The following IMMP2L variants were observed in gnomAD, a reference collection of about 807,000 sequenced individuals.
IMMP2L encodes inner mitochondrial membrane peptidase subunit 2.
In IMMP2L, 18 loss-of-function variants were observed where a neutral mutation model predicts 19.3. The ratio of observed to expected loss-of-function variants is 0.93; its 90% confidence interval spans 0.64 to 1.38. IMMP2L has a LOEUF of 1.38. IMMP2L is among the 40% of genes most tolerant of loss of function. The pLI, the probability that IMMP2L is intolerant of heterozygous loss-of-function variation, is 0.00. For synonymous variants in IMMP2L, 76 were observed against 73.0 expected, an observed-to-expected ratio of 1.04 and a Z score of -0.21; for missense variants, 233 against 218.2, an observed-to-expected ratio of 1.07 and a Z score of -0.43.
Position 110,729,453 on chromosome 7 carries a change from C to T in IMMP2L, c.409-65732G>A, listed in dbSNP as rs1796108841. ...ACGAGAATAGCATGGGGGAAACTGC[C>T]CCCATAATTCAGTCACCTCCCACTG... On this transcript the variant is annotated intron_variant, in intron 5 of 5. Transcript: ENST00000405709. 2.6e-5 allele frequency among the ~76,000 whole-genome samples: 4 copies of T among 152,138 alleles called. 1 individual carries two copies. The highest frequency in any genetic ancestry group is 2.6e-4 in the Admixed American group (4 of 15,276).
intron 1 of IMMP2L, among the ~76,000 whole-genome samples, chr7:111,548,591 C>T (rs997964709): frequency 6.6e-6 from 1 of 152,028 alleles, no homozygotes; most frequent in East Asian, 1.9e-4. Flanking sequence ...ACAATTACAC[C>T]TTTATCTCGA....
rs772132406 is a variant in IMMP2L, at chr7:111,122,820, C to T, written c.240-159255G>A. On this transcript the variant is annotated intron_variant, in intron 3 of 5. Coordinates refer to ENST00000405709, the MANE Select transcript of IMMP2L (RefSeq NM_032549.4). The stretch of plus-strand genomic sequence containing the variant: ...TTCATGTGCTACTTGGCCTAGCTAT[C>T]ACTACACTAGTACAAGCTGTAGATA... 3.7e-6 allele frequency: 6 copies of T among 1,613,816 alleles called. 1 individual carries two copies. In the Admixed American group the frequency reaches 6.7e-5, roughly 18 times the overall value.
intron 5 of IMMP2L, among the ~76,000 whole-genome samples, chr7:110,715,745 C>T (rs753688740): frequency 2.2e-4 from 33 of 151,590 alleles, no homozygotes; most frequent in South Asian, 6.2e-4. Flanking sequence ...ATGGGTTGAG[C>T]GCTCTGTAGA....
chr7:111,404,546 C>T (rs540321976), intron 3 of IMMP2L, among the ~76,000 whole-genome samples: 1 of 152,012 alleles, frequency 6.6e-6, no homozygotes. Flanking sequence ...TAACTACATA[C>T]AACAGTTCAC....
intron 3 of IMMP2L, among the ~76,000 whole-genome samples, chr7:111,263,908 T>C (rs903749930): frequency 7.2e-5 from 11 of 152,152 alleles, no homozygotes; most frequent in Non-Finnish European, 1.0e-4. Context: ...AATTTGTCCA[T>C]TGGATTTTGC....
Position 110,982,267 on chromosome 7 carries a change from T to C in IMMP2L, c.240-18702A>G, listed in dbSNP as rs191271977. Among the ~76,000 whole-genome samples the C allele has an allele frequency of 2.6e-3, 400 of 152,260 alleles. 1 individual carries two copies. Among genetic ancestry groups the C allele is most frequent in the African/African-American group, 9.2e-3 (384 of 41,546 alleles). ...CCCTGCTGCGTCATTCAGCCAAAGATATAAAACTGAATCAGGTCACATATC... is the reference window on the plus strand; with the variant it reads ...CCCTGCTGCGTCATTCAGCCAAAGACATAAAACTGAATCAGGTCACATATC... On this transcript the variant is annotated intron_variant, in intron 3 of 5. Coordinates refer to ENST00000405709, the MANE Select transcript of IMMP2L (RefSeq NM_032549.4).
intron 3 of IMMP2L, among the ~76,000 whole-genome samples, chr7:111,433,595 G>C (rs966045536): frequency 4.6e-5 from 7 of 151,734 alleles, no homozygotes; most frequent in Admixed American, 4.6e-4. Flanking sequence ...GGAATTATGG[G>C]AGTACAATTC....
Position 110,760,680 on chromosome 7 carries a change from G to A in IMMP2L, c.409-96959C>T, listed in dbSNP as rs1397014953. Among the ~76,000 whole-genome samples the A allele has an allele frequency of 6.6e-6, 1 of 152,036 alleles. No individual in the cohort carries two copies. The highest frequency in any genetic ancestry group is 1.5e-5 in the Non-Finnish European group (1 of 68,006). On this transcript the variant is annotated intron_variant, in intron 5 of 5. Transcript: ENST00000405709. The surrounding 1 kb of genome is among the most constrained non-coding windows in gnomAD (Gnocchi z 4.2). ...CAGAATTGAATCTTTTTTGGTCTGT[G>A]CTTTCTTTTTGTTCTACAATATATT...
intron 3 of IMMP2L, among the ~76,000 whole-genome samples, chr7:111,079,541 G>A (rs1168577738): frequency 6.6e-6 from 1 of 152,138 alleles, no homozygotes; most frequent in Non-Finnish European, 1.5e-5. Flanking sequence ...TTTGACCTGG[G>A]CCTTAAGACA....
rs758357126 is a variant in IMMP2L at position 111,421,560 on chromosome 7, G to A, written c.239+65678C>T. Among the ~76,000 whole-genome samples, 240 of 151,476 alleles carry A rather than the reference G, an allele frequency of 1.6e-3. 3 individuals carry two copies. Among genetic ancestry groups the A allele is most frequent in the Non-Finnish European group, 5.0e-4 (34 of 67,930 alleles). On this transcript the variant is annotated intron_variant, in intron 3 of 5. Transcript: ENST00000405709. ...GCTGGGATTACAAGCGTGAGCCACC[G>A]CGCCCGGCCTGTTTTTTTCTTGTAA...
At chr7:111,328,016 T>C (rs1825499361) in intron 3 of IMMP2L, among the ~76,000 whole-genome samples, 1 of 151,648 alleles carries the variant, frequency 6.6e-6, no homozygotes, top group Admixed American at 6.6e-5. Context: ...CACCCACATT[T>C]CACCATCTTT....
intron 4 of IMMP2L, among the ~76,000 whole-genome samples, chr7:110,905,999 T>A (rs1812413943): frequency 6.6e-6 from 1 of 152,218 alleles, no homozygotes; most frequent in Admixed American, 6.5e-5. Context: ...CACTGCCAGT[T>A]TCAGTTTCTT....
At chr7:110,887,939 T>G (rs557767237) in intron 4 of IMMP2L, among the ~76,000 whole-genome samples, 35 of 152,200 alleles carry the variant, frequency 2.3e-4, no homozygotes, top group African/African-American at 8.4e-4. Context: ...AGTTAGCAAT[T>G]TGTATGTGTG....
chr7:111,057,690 A>G (rs1476996825), intron 3 of IMMP2L, among the ~76,000 whole-genome samples: 1 of 152,210 alleles, frequency 6.6e-6, no homozygotes, highest in East Asian at 1.9e-4. Context: ...ATTATGAGGA[A>G]TAGGCCTAAC....
intron 3 of IMMP2L, among the ~76,000 whole-genome samples, chr7:110,979,306 T>C (rs148435659): frequency 6.6e-6 from 1 of 152,270 alleles, no homozygotes; most frequent in African/African-American, 2.4e-5. Context: ...TATGTCTAAA[T>C]TTTTTCTCAA....
chr7:111,057,176 T>C (rs905804257), intron 3 of IMMP2L, among the ~76,000 whole-genome samples: 6 of 152,228 alleles, frequency 3.9e-5, no homozygotes, highest in African/African-American at 1.2e-4. Context: ...TCTCCTTCTC[T>C]GCATTTTTTA....
intron 3 of IMMP2L, among the ~76,000 whole-genome samples, chr7:111,178,716 C>T (rs1201249574): frequency 6.6e-6 from 1 of 152,086 alleles, no homozygotes; most frequent in Non-Finnish European, 1.5e-5. Flanking sequence ...AGCAACTCCT[C>T]GTCTGTTAAG....
rs574228340 is a variant in IMMP2L at position 111,526,715 on chromosome 7, G to C, written c.-2-5266C>G. On this transcript the variant is annotated intron_variant, in intron 1 of 5. Coordinates refer to ENST00000405709, the MANE Select transcript of IMMP2L (RefSeq NM_032549.4). ...GCCAGTGCAGGCTATCTATATTTCT[G>C]GAAACTTCTGGAAAGTTCTGTCAAA... Among the ~76,000 whole-genome samples, 13 of 152,136 alleles carry C rather than the reference G, an allele frequency of 8.5e-5. No homozygotes were observed. The South Asian group carries it at 2.7e-3, about 32-fold the overall frequency.
chr7:111,349,770 A>G (rs1827953468), intron 3 of IMMP2L, among the ~76,000 whole-genome samples: 1 of 152,104 alleles, frequency 6.6e-6, no homozygotes, highest in Non-Finnish European at 1.5e-5. Context: ...TTCTCTTAGT[A>G]GGGCCAAATC....
Sources: gnomAD v4.1 joint callset for allele counts (sites outside exome capture counted in the v4.1 genomes callset) on GRCh38, gnomAD v4.1.1 for gene constraint, Gnocchi (gnomAD v3.1) non-coding constraint, MANE v1.5 for transcripts, NCBI Gene and HGNC (gene_info 2026-07-23, HGNC 2026-07-21) for gene names.